The following NUP37 variants were observed in gnomAD, a reference collection of about 807,000 sequenced individuals.
NUP37 encodes the protein nucleoporin Nup37.
Under a neutral mutation model 45.4 loss-of-function variants are expected in NUP37, and 33 were observed. The ratio of observed to expected loss-of-function variants is 0.73; its 90% CI spans 0.55 to 0.97. NUP37 has a LOEUF of 0.97. Among genes scored for constraint, NUP37 ranks in the 50% least tolerant of loss-of-function variants. NUP37 has a pLI of 0.00. For missense variants in NUP37, 365 were observed against 389.7 expected (o/e 0.94, Z 0.53); for synonymous variants, 127 against 130.7 (o/e 0.97, Z 0.19).
chr12:102,085,154 T>G (rs953776115), intron 6 of NUP37, among the ~76,000 whole-genome samples: 3 of 152,108 alleles, frequency 2.0e-5, no homozygotes, highest in Non-Finnish European at 2.9e-5. Flanking sequence ...GCATGGTGGT[T>G]CATGCCTGTA....
chr12:102,077,183 T>C (rs1446166069), intron 7 of NUP37, 139 bp downstream of exon 7: 5 of 829,444 alleles, frequency 6.0e-6, no homozygotes, highest in South Asian at 3.1e-5. Flanking sequence ...TAAAAATCCA[T>C]AGCTCTGGCC....
At chr12:102,089,435 A>G (rs1489165010) in intron 5 of NUP37, among the ~76,000 whole-genome samples, 1 of 102,376 alleles carries the variant, frequency 9.8e-6, no homozygotes, top group African/African-American at 3.9e-5. Context: ...CTTCCGAGGC[A>G]CTCCTCACTT....
chr12:102,103,981 T>A (rs1025849800), intron 3 of NUP37, among the ~76,000 whole-genome samples: 11 of 152,194 alleles, frequency 7.2e-5, no homozygotes, highest in Non-Finnish European at 8.8e-5. Flanking sequence ...TTTTGCCACT[T>A]ATATTCAAAA....
rs911327271 is a variant in NUP37 at position 102,086,912 on chromosome 12, C to T, written c.450-1056G>A. Among the ~76,000 whole-genome samples the T allele has an allele frequency of 2.6e-5, 4 of 152,260 alleles. No individual in the cohort carries two copies. In the South Asian group the frequency reaches 6.2e-4, roughly 24 times the overall value. On this transcript the variant is annotated intron_variant, in intron 5 of 9. Transcript: ENST00000552283. ...CAGCCTGGCAAATACAGTGAAACTTCGTCTCTACAAAACACATAAAAATTG... is the reference window on the plus strand; with the variant it reads ...CAGCCTGGCAAATACAGTGAAACTTTGTCTCTACAAAACACATAAAAATTG...
Position 102,077,587 on chromosome 12 carries a change from C to T in NUP37, c.541-84G>A, listed in dbSNP as rs548145229. 43 of 1,293,018 alleles carry T rather than the reference C, an allele frequency of 3.3e-5. 1 individual carries two copies. The highest frequency in any genetic ancestry group is 2.1e-4 in the East Asian group (9 of 42,734). The allele number at this position is 1,293,018 out of a possible 1,614,324, so 80.1% of individuals were successfully genotyped here. ...GTGTAAGCAGAGATTCACTGTTGTA[C>T]GGTAAAATGTAAACATTTGCAATAT... On this transcript the variant is annotated intron_variant, in intron 6 of 9. Transcript: ENST00000552283.
intron 5 of NUP37, among the ~76,000 whole-genome samples, chr12:102,088,708 T>TC (rs202189068): frequency 0.033 from 4,903 of 150,100 alleles, 343 homozygotes; most frequent in East Asian, 0.28. Context: ...TTTTAATTTT[T>TC]TTTTTTTTTT....
intron 5 of NUP37, among the ~76,000 whole-genome samples, chr12:102,094,467 T>A (rs887570434): frequency 2.6e-5 from 4 of 152,002 alleles, no homozygotes; most frequent in Admixed American, 2.0e-4. Flanking sequence ...CAAGGACTAT[T>A]TTTAGGTATA....
At chr12:102,096,618 G>A (rs1879810008) in intron 5 of NUP37, among the ~76,000 whole-genome samples, 1 of 152,098 alleles carries the variant, frequency 6.6e-6, no homozygotes. Flanking sequence ...GCTCTTTACA[G>A]TACAGAATAC....
At chr12:102,091,493 T>C (rs1254659099) in intron 5 of NUP37, among the ~76,000 whole-genome samples, 2 of 143,474 alleles carry the variant, frequency 1.4e-5, no homozygotes, top group South Asian at 2.1e-4. Context: ...GAAAAGATGA[T>C]AGACCATTTC....
intron 5 of NUP37, among the ~76,000 whole-genome samples, chr12:102,095,469 G>A (rs1015600901): frequency 2.6e-5 from 4 of 152,022 alleles, no homozygotes; most frequent in Non-Finnish European, 4.4e-5. Context: ...GCATGTGAGT[G>A]CATCTGCATA....
chr12:102,074,771 T>G, intron 9 of NUP37: 1 of 447,960 alleles, frequency 2.2e-6, no homozygotes, highest in East Asian at 3.5e-5. Context: ...AAAAAGCTTC[T>G]TATATGAATA....
intron 6 of NUP37, chr12:102,079,273 T>C: frequency 2.2e-6 from 1 of 455,090 alleles, no homozygotes; most frequent in Non-Finnish European, 4.4e-6. Flanking sequence ...GGCTAAAATG[T>C]GACTGTTCTT....
chr12:102,088,794 G>C (rs1879551740), intron 5 of NUP37, among the ~76,000 whole-genome samples: 1 of 150,988 alleles, frequency 6.6e-6, no homozygotes, highest in South Asian at 2.1e-4. Flanking sequence ...TAATAGTGGA[G>C]AGAAGGTCAG....
chr12:102,101,552 A>G (rs900287144), intron 3 of NUP37, among the ~76,000 whole-genome samples: 2 of 152,090 alleles, frequency 1.3e-5, no homozygotes, highest in African/African-American at 4.8e-5. Context: ...AGTTTTTTCT[A>G]TTCCTCCAAA....
intron 2 of NUP37, among the ~76,000 whole-genome samples, chr12:102,114,623 T>A (rs1346463838): frequency 6.6e-6 from 1 of 152,206 alleles, no homozygotes; most frequent in Non-Finnish European, 1.5e-5. Flanking sequence ...AGGGCTATTA[T>A]AAGGGTTTGA....
At chr12:102,076,094 T>G (rs773653489) in intron 8 of NUP37, among the ~76,000 whole-genome samples, 1 of 152,174 alleles carries the variant, frequency 6.6e-6, no homozygotes, top group African/African-American at 2.4e-5. Flanking sequence ...GTACCATAGC[T>G]CATTGATTTT....
chr12:102,088,858 G>GCCTTCC (rs1488112986), intron 5 of NUP37, among the ~76,000 whole-genome samples: 5 of 151,090 alleles, frequency 3.3e-5, no homozygotes, highest in African/African-American at 1.2e-4. Flanking sequence ...GGTCCCTGCG[G>GCCTTCC]CCTTCCGCAG....
At position 102,077,192 on chromosome 12, in the gene NUP37, C is replaced by G. The variant is rs369493604; in HGVS notation, c.722+130G>C. ...GTTATATAAAAATCCATAGCTCTGG[C>G]CTTCTATAGGAAAGACTTGCTTTCG... On this transcript the variant is annotated intron_variant, in intron 7 of 9. Transcript: ENST00000552283. The G allele has an allele frequency of 7.2e-5, 65 of 906,022 alleles. 1 individual carries two copies. The highest frequency in any genetic ancestry group is 4.3e-4 in the East Asian group (17 of 39,906). 56.1% of individuals were successfully genotyped at this position (906,022 alleles called of 1,614,324 possible).
In NUP37 at chr12:102,075,031, C is replaced by T. The variant is rs1879130636; in HGVS notation, c.837G>A (p.Gln279=). Residue 279 remains glutamine, a synonymous_variant, in exon 9 of 10, where the codon CAG becomes CAA. Coordinates refer to ENST00000552283, the MANE Select transcript of NUP37 (RefSeq NM_024057.4). The part of the protein sequence containing the change: ...TTGYPGKMAS[Q]FQIHHLGHPQ... ...GGTGTCCTAAATGATGAATTTGAAA[C>T]TGGCTTGCCATTTTGCCAGGATAAC... is the stretch of plus-strand genomic sequence containing the variant. 6.2e-7 allele frequency: 1 copy of T among 1,609,038 alleles called. No homozygotes were observed.
Sources: allele counts gnomAD v4.1 joint callset (sites outside exome capture counted in the v4.1 genomes callset), GRCh38; gene constraint gnomAD v4.1.1; transcripts MANE v1.5; gene names NCBI Gene and HGNC (gene_info 2026-07-23, HGNC 2026-07-21).